SAMD12: variants seen among roughly 807,000 people sequenced by gnomAD.
SAMD12 encodes sterile alpha motif domain containing 12.
In SAMD12, 9 loss-of-function variants were observed where a neutral mutation model predicts 15.0. The ratio of observed to expected loss-of-function variants is 0.60; its 90% CI spans 0.36 to 1.05. The LOEUF (loss-of-function observed/expected upper bound fraction) is 1.05, where lower values mean the gene tolerates loss of function less well. SAMD12 is among the 50% of genes least tolerant of loss of function. SAMD12 has a pLI of 0.01. For missense variants in SAMD12, 230 were observed against 234.2 expected (o/e 0.98, Z 0.12); for synonymous variants, 86 against 90.1 (o/e 0.96, Z 0.25).
the SAMD12 span, among the ~76,000 whole-genome samples, chr8:118,148,400 T>C: frequency 5.9e-5 from 9 of 152,328 alleles, no homozygotes; most frequent in Admixed American, 1.3e-4. Flanking sequence ...AAATATTAAG[T>C]AGTTATTAGA....
At chr8:118,230,859 G>A (rs1034075280) in intron 4 of SAMD12, among the ~76,000 whole-genome samples, 1 of 152,168 alleles carries the variant, frequency 6.6e-6, no homozygotes, top group South Asian at 2.1e-4. Context: ...GAACCCAATC[G>A]AGTGGGCTTG....
intron 1 of SAMD12, among the ~76,000 whole-genome samples, chr8:118,606,292 C>T (rs947158880): frequency 6.6e-6 from 1 of 152,066 alleles, no homozygotes; most frequent in Non-Finnish European, 1.5e-5. Flanking sequence ...ATGATGGAAG[C>T]CTCAAGAAAA....
downstream of SAMD12, among the ~76,000 whole-genome samples, chr8:118,187,209 C>T (rs1242627698): frequency 6.6e-6 from 1 of 152,110 alleles, no homozygotes; most frequent in Non-Finnish European, 1.5e-5. Flanking sequence ...TTGTATTTCC[C>T]CAGTGCTACA....
chr8:118,357,380 G>A (rs984274975), intron 4 of SAMD12, among the ~76,000 whole-genome samples: 1 of 152,058 alleles, frequency 6.6e-6, no homozygotes, highest in African/African-American at 2.4e-5. Context: ...TGGGATTACA[G>A]GTATGCACCA....
intron 3 of SAMD12, among the ~76,000 whole-genome samples, chr8:118,415,994 CTTTT>C (rs372293089): frequency 6.6e-6 from 1 of 151,534 alleles, no homozygotes; most frequent in Non-Finnish European, 1.5e-5. Flanking sequence ...GGCTTTCCCC[CTTTT>C]TTTTTCTTTA....
intron 2 of SAMD12, among the ~76,000 whole-genome samples, chr8:118,440,984 A>G (rs1008634480): frequency 9.2e-5 from 14 of 152,114 alleles, no homozygotes; most frequent in Non-Finnish European, 2.9e-5. Flanking sequence ...GGACGTGGCC[A>G]TTATTATCCC....
At chr8:118,393,322 T>C (rs1394646878) in intron 3 of SAMD12, among the ~76,000 whole-genome samples, 1 of 152,092 alleles carries the variant, frequency 6.6e-6, no homozygotes, top group African/African-American at 2.4e-5. Flanking sequence ...CTTCAGAGTA[T>C]CTGGAACTAT....
chr8:118,165,971 C>T, the SAMD12 span, among the ~76,000 whole-genome samples: 8 of 152,126 alleles, frequency 5.3e-5, no homozygotes, highest in East Asian at 5.8e-4. Context: ...CTGGGTTTCT[C>T]GACTTCATCT....
intron 2 of SAMD12, among the ~76,000 whole-genome samples, chr8:118,537,723 G>A (rs919583279): frequency 2.6e-5 from 4 of 152,158 alleles, no homozygotes; most frequent in Admixed American, 6.5e-5. Context: ...CCTCAACACA[G>A]CGATTTTGAA....
chr8:118,321,139 TAA>T (rs1563761382), intron 4 of SAMD12, among the ~76,000 whole-genome samples: 1 of 90,240 alleles, frequency 1.1e-5, no homozygotes, highest in East Asian at 4.8e-4. Context: ...ATATCATAGA[TAA>T]TAAATATATA....
intron 2 of SAMD12, among the ~76,000 whole-genome samples, chr8:118,469,390 G>A (rs1823694531): frequency 7.1e-6 from 1 of 139,924 alleles, no homozygotes; most frequent in South Asian, 2.3e-4. Flanking sequence ...GCAGAGTTAG[G>A]CAAAAACAAT....
At chr8:118,362,317 A>G (rs2130642726) in intron 4 of SAMD12, among the ~76,000 whole-genome samples, 1 of 152,332 alleles carries the variant, frequency 6.6e-6, no homozygotes, top group East Asian at 1.9e-4. Flanking sequence ...GTGTTAGGAG[A>G]GAATTAATTT....
chr8:118,552,168 C>T (rs1586812310), intron 2 of SAMD12, among the ~76,000 whole-genome samples: 3 of 152,320 alleles, frequency 2.0e-5, no homozygotes, highest in African/African-American at 7.2e-5. Flanking sequence ...TCCTCCCTAA[C>T]TCATTTTATG....
intron 3 of SAMD12, among the ~76,000 whole-genome samples, chr8:118,418,222 G>C (rs17749697): frequency 0.11 from 16,636 of 152,078 alleles, 1,005 homozygotes; most frequent in Middle Eastern, 0.15. Context: ...ATTACCTTCC[G>C]AGCCTGGCCT....
intron 2 of SAMD12, among the ~76,000 whole-genome samples, chr8:118,440,312 C>T (rs10955884): frequency 0.52 from 78,416 of 151,974 alleles, 20,719 homozygotes; most frequent in Admixed American, 0.61. Flanking sequence ...GTGCCTTTCT[C>T]TGTATTCCAA....
chr8:118,254,370 T>C (rs1461167739), intron 4 of SAMD12, among the ~76,000 whole-genome samples: 1 of 152,140 alleles, frequency 6.6e-6, no homozygotes, highest in Non-Finnish European at 1.5e-5. Flanking sequence ...CCTTTATCAG[T>C]GCTGCAGCCT....
At chr8:118,486,092 C>A (rs936243908) in intron 2 of SAMD12, among the ~76,000 whole-genome samples, 1 of 152,164 alleles carries the variant, frequency 6.6e-6, no homozygotes, top group Non-Finnish European at 1.5e-5. Flanking sequence ...TGAAGAAATT[C>A]TCTTGTTACT....
chr8:118,572,077 C>A (rs1330404330), intron 2 of SAMD12, among the ~76,000 whole-genome samples: 2 of 152,168 alleles, frequency 1.3e-5, no homozygotes, highest in East Asian at 3.9e-4. Flanking sequence ...ACCATGGGAA[C>A]CCACCTCTTG....
intron 2 of SAMD12, among the ~76,000 whole-genome samples, chr8:118,540,507 G>A (rs536670415): frequency 1.7e-4 from 26 of 152,198 alleles, no homozygotes; most frequent in African/African-American, 6.3e-4. Flanking sequence ...ATATATACAG[G>A]GGTGTGTTGG....
Sources: allele counts gnomAD v4.1 joint callset (sites outside exome capture counted in the v4.1 genomes callset), GRCh38; gene constraint gnomAD v4.1.1; transcripts MANE v1.5; gene names NCBI Gene and HGNC (gene_info 2026-07-23, HGNC 2026-07-21).